HIP1: variants seen among roughly 807,000 people sequenced by gnomAD.
HIP1 encodes the protein huntingtin interacting protein 1, also known as huntingtin-interacting protein 1.
In HIP1, 65 loss-of-function variants were observed where a neutral mutation model predicts 147.6. That is an observed-to-expected ratio of 0.44 (90% CI 0.36 to 0.54). HIP1 has a LOEUF of 0.54. HIP1 is among the 20% of genes least tolerant of loss of function. The pLI, the probability that HIP1 is intolerant of heterozygous loss-of-function variation, is 0.00. For missense variants in HIP1, 1,061 were observed against 1,299.6 expected (o/e 0.82, Z 2.82); for synonymous variants, 479 against 504.0 (o/e 0.95, Z 0.67).
rs1794136116 is a variant in HIP1 at position 75,537,628 on chromosome 7, C to T, written c.*544G>A. ...GGCTTTGGCATTCACAGCCAGGACACTCCTGCCGTCCTTCTGACTGTGCAG... is the reference window on the plus strand; with the variant it reads ...GGCTTTGGCATTCACAGCCAGGACATTCCTGCCGTCCTTCTGACTGTGCAG... On this transcript the variant is annotated 3_prime_UTR_variant, in exon 31 of 31. Transcript: ENST00000336926. 4.3e-6 allele frequency: 1 copy of T among 233,864 alleles called. No individual in the cohort carries two copies. The highest frequency in any genetic ancestry group is 1.8e-4 in the South Asian group (1 of 5,588). The allele number at this position is 233,864 out of a possible 1,614,324, so 14.5% of individuals were successfully genotyped here. A position where few individuals can be genotyped will look rare whatever the true frequency, so the allele number is the denominator to read the frequency against.
chr7:75,735,154 A>G (rs1354337842), intron 1 of HIP1, among the ~76,000 whole-genome samples: 1 of 152,186 alleles, frequency 6.6e-6, no homozygotes, highest in Non-Finnish European at 1.5e-5. Context: ...CAATAAGGAA[A>G]CCGAGGCTTA....
intron 1 of HIP1, among the ~76,000 whole-genome samples, chr7:75,664,784 C>T (rs912908379): frequency 3.0e-4 from 45 of 152,052 alleles, no homozygotes; most frequent in African/African-American, 1.1e-3. Flanking sequence ...CCACGTCCGA[C>T]TAATTTTTGT....
At chr7:75,717,171 C>T (rs1584975144) in intron 1 of HIP1, among the ~76,000 whole-genome samples, 2 of 152,046 alleles carry the variant, frequency 1.3e-5, no homozygotes, top group African/African-American at 2.4e-5. Flanking sequence ...ACTTGACCCA[C>T]GCATGATGAA....
At chr7:75,675,574 TTCTA>T (rs1563286534) in intron 1 of HIP1, among the ~76,000 whole-genome samples, 1 of 152,134 alleles carries the variant, frequency 6.6e-6, no homozygotes, top group Non-Finnish European at 1.5e-5. Flanking sequence ...TTTTTATAAT[TTCTA>T]TCTGTTAATT....
chr7:75,729,409 C>G (rs1448334204), intron 1 of HIP1, among the ~76,000 whole-genome samples: 1 of 151,482 alleles, frequency 6.6e-6, no homozygotes, highest in Non-Finnish European at 1.5e-5. Context: ...ATCACTTGAG[C>G]CCAGGAATTC....
In HIP1 at chr7:75,547,817, T is replaced by C; in HGVS notation, c.2407-4A>G. Reference sequence around the variant, plus strand: ...CTCGGGATTTGCTGAGCATCTCCTGTGAAAAAGAAGCATGGTTTCTAAATG... The same window carrying C: ...CTCGGGATTTGCTGAGCATCTCCTGCGAAAAAGAAGCATGGTTTCTAAATG... On this transcript the variant is annotated splice_region_variant and splice_polypyrimidine_tract_variant and intron_variant, in intron 23 of 30. Coordinates refer to ENST00000336926, the MANE Select transcript of HIP1 (RefSeq NM_005338.7). The C allele has an allele frequency of 1.2e-6, 2 of 1,613,316 alleles. No homozygotes were observed. The highest frequency in any genetic ancestry group is 1.7e-6 in the Non-Finnish European group (2 of 1,179,368).
intron 9 of HIP1, among the ~76,000 whole-genome samples, chr7:75,565,691 A>G (rs1197985977): frequency 6.7e-6 from 1 of 150,234 alleles, no homozygotes; most frequent in African/African-American, 2.5e-5. Context: ...CTCTCACTCT[A>G]TTATCCTTCC....
intron 1 of HIP1, among the ~76,000 whole-genome samples, chr7:75,685,680 C>G (rs1800237646): frequency 6.6e-6 from 1 of 152,234 alleles, no homozygotes; most frequent in Non-Finnish European, 1.5e-5. Flanking sequence ...TCCCACGTAG[C>G]TGGGATTACA....
chr7:75,738,801 C>T lies in HIP1; in HGVS notation c.120G>A (p.Gln40=). The T allele has an allele frequency of 6.2e-7, 1 of 1,602,148 alleles. No homozygotes were observed. Among genetic ancestry groups the T allele is most frequent in the South Asian group, 1.1e-5 (1 of 89,208 alleles). ...AAERESFERT[Q]TVSINKAINT... ...ATGCCCCGGGGTCCCCCGTCCTCAC[C>T]TGAGTCCGCTCGAAGCTCTCGCGCT... The change falls in exon 1 of 31, where the codon CAG becomes CAA. Residue 40 remains glutamine, a splice_region_variant and synonymous_variant. Transcript: ENST00000336926.
chr7:75,597,729 G>T, intron 2 of HIP1, among the ~76,000 whole-genome samples: 1 of 103,328 alleles, frequency 9.7e-6, no homozygotes, highest in South Asian at 3.5e-4. Context: ...GACAGAGCAA[G>T]ACTCTGTCTC....
intron 8 of HIP1, among the ~76,000 whole-genome samples, chr7:75,569,966 C>T (rs1378488620): frequency 1.1e-4 from 17 of 150,572 alleles, no homozygotes; most frequent in Admixed American, 1.1e-3. Flanking sequence ...GACAGAATCT[C>T]ACTCTGTTGC....
intron 1 of HIP1, among the ~76,000 whole-genome samples, chr7:75,666,909 A>G (rs1285353151): frequency 6.6e-6 from 1 of 152,212 alleles, no homozygotes; most frequent in Non-Finnish European, 1.5e-5. Flanking sequence ...TCACAAAATC[A>G]TACTAAGCAA....
At chr7:75,676,163 A>C (rs1228299811) in intron 1 of HIP1, among the ~76,000 whole-genome samples, 1 of 152,158 alleles carries the variant, frequency 6.6e-6, no homozygotes, top group African/African-American at 2.4e-5. Context: ...TAATTATGCC[A>C]AGTCTGTATT....
chr7:75,586,056 C>T (rs1396962391), intron 5 of HIP1, among the ~76,000 whole-genome samples: 3 of 152,018 alleles, frequency 2.0e-5, no homozygotes, highest in Non-Finnish European at 4.4e-5. Flanking sequence ...TTAAGCGATC[C>T]TCCAGCCTCG....
intron 1 of HIP1, among the ~76,000 whole-genome samples, chr7:75,730,751 G>C (rs1435203540): frequency 7.8e-6 from 1 of 127,444 alleles, no homozygotes. Flanking sequence ...TTTTTTTTTT[G>C]AGACAAGGTC....
At chr7:75,545,235 C>G in intron 25 of HIP1, 47 bp from the exon 26 acceptor site, 1 of 1,094,428 alleles carries the variant, frequency 9.1e-7, no homozygotes, top group Non-Finnish European at 1.4e-6. Context: ...TGAGCATGTA[C>G]TATATGGCAG....
chr7:75,678,059 A>G (rs1275314582), intron 1 of HIP1, among the ~76,000 whole-genome samples: 1 of 151,946 alleles, frequency 6.6e-6, no homozygotes, highest in Non-Finnish European at 1.5e-5. Context: ...TCATAGATTC[A>G]CTTGCTTACT....
chr7:75,544,387 G>A (rs1431575335), intron 27 of HIP1, among the ~76,000 whole-genome samples: 2 of 151,646 alleles, frequency 1.3e-5, no homozygotes, highest in Admixed American at 1.3e-4. Flanking sequence ...ACCTAACCAA[G>A]TACCATCTAA....
At chr7:75,698,820 T>TAA (rs11380555) in intron 1 of HIP1, among the ~76,000 whole-genome samples, 6 of 144,758 alleles carry the variant, frequency 4.1e-5, no homozygotes, top group East Asian at 4.0e-4. Context: ...CCCTGCCTCT[T>TAA]AAAAAAAAAA....
Sources: allele counts gnomAD v4.1 joint callset (sites outside exome capture counted in the v4.1 genomes callset), GRCh38; gene constraint gnomAD v4.1.1; transcripts MANE v1.5; gene names NCBI Gene and HGNC (gene_info 2026-07-23, HGNC 2026-07-21).